The following BPTF variants were observed in gnomAD, a reference collection of about 807,000 sequenced individuals.
The protein encoded by BPTF is bromodomain PHD finger transcription factor.
Under a neutral mutation model 292.5 loss-of-function variants are expected in BPTF, and 18 were observed. The ratio of observed to expected loss-of-function variants is 0.06; its 90% CI spans 0.04 to 0.09. The LOEUF (loss-of-function observed/expected upper bound fraction) is 0.09, where lower values mean the gene tolerates loss of function less well. BPTF is among the 10% of genes least tolerant of loss of function. The probability of loss-of-function intolerance (pLI) is 1.00; values close to 1 mark genes in which losing one functional copy is unlikely to be tolerated. For synonymous variants in BPTF, 1,225 were observed against 1,251.9 expected (o/e 0.98, Z 0.45); for missense variants, 2,726 against 3,498.7 (o/e 0.78, Z 5.57).
Position 67,959,628 on chromosome 17 carries a change from C to G in BPTF, c.8014C>G (p.Pro2672Ala), listed in dbSNP as rs142300680. Reference protein sequence around the residue: ...QATAVAAPCPPVTPAPPAPPA... With the variant: ...QATAVAAPCPAVTPAPPAPPA... Reference sequence around the variant, plus strand: ...CACAGCAGTAGCTGCACCCTGCCCCCCAGTGACACCAGCTCCTCCAGCCCC... The same window carrying G: ...CACAGCAGTAGCTGCACCCTGCCCCGCAGTGACACCAGCTCCTCCAGCCCC... Residue 2672 changes from proline (P) to alanine (A), a missense_variant, in exon 24 of 28, where the codon CCA (proline) becomes GCA (alanine). Around this residue, in one of 22 missense-constraint regions of BPTF, gnomAD observed 148 missense variants for 145.5 expected, o/e 1.02. Coordinates refer to ENST00000306378, the MANE Select transcript of BPTF (RefSeq NM_182641.4). 6.6e-4 allele frequency: 1,049 copies of G among 1,598,640 alleles called. 2 individuals carry two copies. Among genetic ancestry groups the G allele is most frequent in the Non-Finnish European group, 8.1e-4 (957 of 1,174,642 alleles).
intron 1 of BPTF, among the ~76,000 whole-genome samples, chr17:67,848,827 A>C (rs965258067): frequency 1.3e-5 from 2 of 152,226 alleles, no homozygotes; most frequent in Admixed American, 6.5e-5. Flanking sequence ...CCGTCGAGGT[A>C]ATAAGCTATC....
chr17:67,894,665 G>GA (rs1395009028), intron 7 of BPTF, among the ~76,000 whole-genome samples: 1 of 152,128 alleles, frequency 6.6e-6, no homozygotes, highest in Non-Finnish European at 1.5e-5. Flanking sequence ...GGATTGTGAT[G>GA]AAGATCAAAA....
intron 25 of BPTF, among the ~76,000 whole-genome samples, chr17:67,964,850 T>A (rs1348169828): frequency 1.3e-5 from 2 of 149,550 alleles, no homozygotes; most frequent in African/African-American, 4.9e-5. Context: ...ATACAAAAAA[T>A]TAGCTGGGCG....
At chr17:67,866,809 T>C in intron 3 of BPTF, 122 bp downstream of exon 3, 6 of 689,976 alleles carry the variant, frequency 8.7e-6, no homozygotes, top group Non-Finnish European at 1.5e-5. Context: ...TGCTTAATGA[T>C]GGGGATACAT....
chr17:67,857,666 C>T lies in BPTF; in HGVS notation c.1436+2904C>T, dbSNP rs867124297. Among the ~76,000 whole-genome samples, 4 of 151,584 alleles carry T rather than the reference C, an allele frequency of 2.6e-5. No individual in the cohort carries two copies. In the South Asian group the frequency reaches 6.3e-4, roughly 24 times the overall value. ...ATTTTTTGTAGAGACAGGGTTTCAC[C>T]ATGTTACTCAGGCTGATCTCGAACT... On this transcript the variant is annotated intron_variant, in intron 2 of 27. Transcript: ENST00000306378.
intron 27 of BPTF, among the ~76,000 whole-genome samples, chr17:67,977,480 ATTC>A (rs2069643573): frequency 6.6e-6 from 1 of 152,020 alleles, no homozygotes; most frequent in Non-Finnish European, 1.5e-5. Flanking sequence ...GCGCCACTGC[ATTC>A]CAGCCTTGGT....
At chr17:67,902,749 A>T (rs913059594) in intron 7 of BPTF, among the ~76,000 whole-genome samples, 1 of 152,118 alleles carries the variant, frequency 6.6e-6, no homozygotes, top group African/African-American at 2.4e-5. Flanking sequence ...GGGAAAGGAG[A>T]TAAAAAGACT....
At chr17:67,897,587 C>T (rs116261084) in intron 7 of BPTF, among the ~76,000 whole-genome samples, 2,599 of 152,068 alleles carry the variant, frequency 0.017, 65 homozygotes, top group African/African-American at 0.055. Context: ...AGGGACCCAC[C>T]GAGCTCCTTT....
intron 4 of BPTF, among the ~76,000 whole-genome samples, chr17:67,876,479 C>T (rs1242914217): frequency 6.6e-6 from 1 of 152,172 alleles, no homozygotes; most frequent in South Asian, 2.1e-4. Context: ...GTAAGTCCAC[C>T]TTACTTTATA....
chr17:67,863,289 T>C lies in BPTF; in HGVS notation c.1437-3175T>C, dbSNP rs577383717. Among the ~76,000 whole-genome samples, 6 of 152,278 alleles carry C rather than the reference T, an allele frequency of 3.9e-5. No homozygotes were observed. The South Asian group carries it at 1.0e-3, about 26-fold the overall frequency. On this transcript the variant is annotated intron_variant, in intron 2 of 27. Coordinates refer to ENST00000306378, the MANE Select transcript of BPTF (RefSeq NM_182641.4). Reference sequence around the variant, plus strand: ...GCCTCTATGCTACCTTCTTTTCTTTTTCTTTTCATTTTTTTGAGACACGGA... The same window carrying C: ...GCCTCTATGCTACCTTCTTTTCTTTCTCTTTTCATTTTTTTGAGACACGGA...
rs1452214233 is a variant in BPTF at position 67,880,954 on chromosome 17, T to C, written c.1864+5934T>C. On this transcript the variant is annotated intron_variant, in intron 4 of 27. Transcript: ENST00000306378. ...GAAGAGGGTGTATGTATATTATATATATATACACACACACACACACACACA... is the reference window on the plus strand; with the variant it reads ...GAAGAGGGTGTATGTATATTATATACATATACACACACACACACACACACA... Among the ~76,000 whole-genome samples the C allele has an allele frequency of 7.7e-4, 76 of 98,788 alleles. 1 individual carries two copies. The highest frequency in any genetic ancestry group is 2.0e-3 in the African/African-American group (75 of 38,102). The allele number at this position is 98,788 out of a possible 152,430, so 64.8% of individuals were successfully genotyped here.
chr17:67,912,324 C>T lies in BPTF; in HGVS notation c.4440C>T (p.Ser1480=), dbSNP rs1286183438. The T allele has an allele frequency of 6.2e-7, 1 of 1,613,582 alleles. No homozygotes were observed. The highest frequency in any genetic ancestry group is 8.5e-7 in the Non-Finnish European group (1 of 1,179,776). The change falls in exon 11 of 28, where the codon AGC becomes AGT. Residue 1480 remains serine (S), a synonymous_variant. Coordinates refer to ENST00000306378, the MANE Select transcript of BPTF (RefSeq NM_182641.4). ...TGGAAGATTTTAATGAAAGAAACAG[C>T]TCCGAAACAAAATCGCATTTGCTGA... ...VIMEDFNERN[S]SETKSHLLSS...
chr17:67,964,247 A>G lies in BPTF; in HGVS notation c.8297A>G (p.Tyr2766Cys). The G allele has an allele frequency of 1.2e-6, 2 of 1,613,984 alleles. No homozygotes were observed. Among genetic ancestry groups the G allele is most frequent in the Non-Finnish European group, 1.7e-6 (2 of 1,179,876 alleles). The change falls in exon 25 of 28, where the codon TAC becomes TGC. Residue 2766 changes from tyrosine (Y) to cysteine (C), a missense_variant. Around this residue, in one of 22 missense-constraint regions of BPTF, gnomAD observed 48 missense variants for 114.2 expected, o/e 0.42. Transcript: ENST00000306378. ...GGCTGTGATCGGTGTCAGAATTGGTACCATGGGCGCTGCGTTGGCATCTTG... is the reference window on the plus strand; with the variant it reads ...GGCTGTGATCGGTGTCAGAATTGGTGCCATGGGCGCTGCGTTGGCATCTTG... ...YIGCDRCQNW[Y>C]HGRCVGILQS...
intron 5 of BPTF, 110 bp downstream of exon 5, chr17:67,892,144 G>A: frequency 1.2e-6 from 1 of 830,078 alleles, no homozygotes; most frequent in Non-Finnish European, 1.8e-6. Context: ...ACCTATTTTT[G>A]AATTATATTT....
rs1598472348 is a variant in BPTF at position 67,894,233 on chromosome 17, A to C, written c.2543+68A>C. 3.4e-6 allele frequency: 5 copies of C among 1,473,130 alleles called. No homozygotes were observed. In the South Asian group the frequency reaches 6.2e-5, roughly 18 times the overall value. 91.3% of individuals were successfully genotyped at this position (1,473,130 alleles called of 1,614,324 possible). On this transcript the variant is annotated intron_variant, in intron 7 of 27. Transcript: ENST00000306378. ...CCTTTTGAAATACTAGCCTATTAAT[A>C]ATGAAAGTTAATATATTTAAGAGGC... is the stretch of plus-strand genomic sequence containing the variant.
At chr17:67,972,552 G>T (rs1341104334) in intron 26 of BPTF, among the ~76,000 whole-genome samples, 1 of 151,896 alleles carries the variant, frequency 6.6e-6, no homozygotes, top group Non-Finnish European at 1.5e-5. Flanking sequence ...CTATTTAAGG[G>T]CTATTTATAT....
Position 67,892,050 on chromosome 17 carries a change from T to A in BPTF, c.2055+16T>A, listed in dbSNP as rs777746307. ...GGGCAAAGAGGTGTGTTCTTTCTGTTTAAAACAAAAATCTGTGGAATGTGA... is the reference window on the plus strand; with the variant it reads ...GGGCAAAGAGGTGTGTTCTTTCTGTATAAAACAAAAATCTGTGGAATGTGA... On this transcript the variant is annotated intron_variant, in intron 5 of 27. Coordinates refer to ENST00000306378, the MANE Select transcript of BPTF (RefSeq NM_182641.4). 22 of 1,509,916 alleles carry A rather than the reference T, an allele frequency of 1.5e-5. No homozygotes were observed. In the South Asian group the frequency reaches 2.8e-4, roughly 19 times the overall value. 93.5% of individuals were successfully genotyped at this position (1,509,916 alleles called of 1,614,324 possible).
intron 26 of BPTF, chr17:67,973,968 C>T (rs2069098153): frequency 6.6e-6 from 1 of 152,012 alleles, no homozygotes; most frequent in Admixed American, 6.6e-5. Flanking sequence ...ATTACCACAG[C>T]TTTAGAATAT....
At chr17:67,881,159 ATATTGAG>A (rs145604875) in intron 4 of BPTF, among the ~76,000 whole-genome samples, 1,799 of 152,250 alleles carry the variant, frequency 0.012, 30 homozygotes, top group African/African-American at 0.042. Context: ...GATACCCATT[ATATTGAG>A]TATTATCAGT....
Sources: gnomAD v4.1 joint callset for allele counts (sites outside exome capture counted in the v4.1 genomes callset) on GRCh38, gnomAD v4.1.1 for gene constraint, gnomAD v4.1.1 regional missense constraint, MANE v1.5 for transcripts, NCBI Gene and HGNC (gene_info 2026-07-23, HGNC 2026-07-21) for gene names.